Variants in CNTNAP2 observed in about 807,000 individuals in gnomAD.
CNTNAP2 encodes contactin associated protein 2, also known as contactin-associated protein-like 2.
Under a neutral mutation model 155.2 loss-of-function variants are expected in CNTNAP2, and 98 were observed. That is an observed-to-expected ratio of 0.63 (90% CI 0.54 to 0.75). The LOEUF is 0.75. Ranked by LOEUF, CNTNAP2 falls within the 30% of genes least tolerant of loss-of-function variation. CNTNAP2 has a pLI of 0.00. For missense variants in CNTNAP2, 1,727 were observed against 1,688.1 expected (o/e 1.02, Z -0.40); for synonymous variants, 651 against 631.2 (o/e 1.03, Z -0.47).
intron 8 of CNTNAP2, among the ~76,000 whole-genome samples, chr7:147,142,191 T>C (rs1290330238): frequency 1.3e-5 from 2 of 152,192 alleles, no homozygotes; most frequent in African/African-American, 4.8e-5. Context: ...GCCCATTCAG[T>C]ATGTTATTGG....
At chr7:147,849,198 T>C (rs976051855) in intron 13 of CNTNAP2, among the ~76,000 whole-genome samples, 27 of 152,232 alleles carry the variant, frequency 1.8e-4, no homozygotes, top group African/African-American at 6.5e-4. Flanking sequence ...AATATCATTA[T>C]GACAATCTGC....
intron 1 of CNTNAP2, among the ~76,000 whole-genome samples, chr7:146,767,625 C>A (rs1356367031): frequency 6.6e-6 from 1 of 151,934 alleles, no homozygotes; most frequent in Non-Finnish European, 1.5e-5. Context: ...ATGTATGAAC[C>A]ATAAAAATGG....
rs529485703 is a variant in CNTNAP2, at chr7:148,248,976, C to T, written c.3382-18057C>T. ...TTCCCTGATGACTGATGATGTTTAG[C>T]GACTTTTCAAGTGCTTATTGACCAC... is the stretch of plus-strand genomic sequence containing the variant. On this transcript the variant is annotated intron_variant, in intron 20 of 23. Coordinates refer to ENST00000361727, the MANE Select transcript of CNTNAP2 (RefSeq NM_014141.6). 3.3e-5 allele frequency among the ~76,000 whole-genome samples: 5 copies of T among 152,248 alleles called. No homozygotes were observed. In the South Asian group the frequency reaches 6.2e-4, roughly 19 times the overall value.
At chr7:146,207,014 A>T (rs1258101931) in intron 1 of CNTNAP2, among the ~76,000 whole-genome samples, 1 of 151,976 alleles carries the variant, frequency 6.6e-6, no homozygotes, top group African/African-American at 2.4e-5. Flanking sequence ...ATATCAAGGT[A>T]AGAGCTCTCA....
chr7:148,106,734 C>T (rs1274852369), intron 15 of CNTNAP2, among the ~76,000 whole-genome samples: 1 of 152,060 alleles, frequency 6.6e-6, no homozygotes, highest in African/African-American at 2.4e-5. Flanking sequence ...AAAAATACTA[C>T]ATAGTCTTAT....
rs185575195 is a variant in CNTNAP2 at position 148,283,974 on chromosome 7, C to A, written c.3475+16848C>A. Among the ~76,000 whole-genome samples the A allele has an allele frequency of 3.3e-5, 5 of 152,288 alleles. No homozygotes were observed. In the East Asian group the frequency reaches 9.6e-4, roughly 29 times the overall value. On this transcript the variant is annotated intron_variant, in intron 21 of 23. Coordinates refer to ENST00000361727, the MANE Select transcript of CNTNAP2 (RefSeq NM_014141.6). ...CCTAACCCTGTATTTACTTTAGGAACAATGTTTTAGTATTCACTAATTGAG... is the reference window on the plus strand; with the variant it reads ...CCTAACCCTGTATTTACTTTAGGAAAAATGTTTTAGTATTCACTAATTGAG...
intron 1 of CNTNAP2, among the ~76,000 whole-genome samples, chr7:146,474,359 A>G (rs939287386): frequency 2.7e-5 from 4 of 150,148 alleles, no homozygotes; most frequent in Admixed American, 6.7e-5. Flanking sequence ...AACAATTTTG[A>G]GAACATTTGC....
At chr7:147,960,577 A>G (rs375178570) in intron 14 of CNTNAP2, among the ~76,000 whole-genome samples, 13 of 152,342 alleles carry the variant, frequency 8.5e-5, no homozygotes, top group East Asian at 1.9e-4. Flanking sequence ...AGTGTCCTGT[A>G]CATTGTAATT....
At chr7:148,111,982 T>C (rs540820902) in intron 15 of CNTNAP2, among the ~76,000 whole-genome samples, 13 of 152,252 alleles carry the variant, frequency 8.5e-5, no homozygotes, top group African/African-American at 2.9e-4. Flanking sequence ...CAAAAGGAAG[T>C]CCCTGCACTA....
chr7:147,980,788 G>C (rs971116234), intron 15 of CNTNAP2, among the ~76,000 whole-genome samples: 1 of 136,262 alleles, frequency 7.3e-6, no homozygotes, highest in Non-Finnish European at 1.6e-5. Flanking sequence ...AAAATTAGCC[G>C]GGCGTGGTGG....
intron 15 of CNTNAP2, among the ~76,000 whole-genome samples, chr7:148,016,236 G>A (rs1447143604): frequency 6.6e-6 from 1 of 152,214 alleles, no homozygotes; most frequent in Non-Finnish European, 1.5e-5. Context: ...GGGGAAGTCT[G>A]TTTACACTGC....
At chr7:147,862,764 C>T (rs1799158282) in intron 13 of CNTNAP2, among the ~76,000 whole-genome samples, 1 of 152,094 alleles carries the variant, frequency 6.6e-6, no homozygotes, top group South Asian at 2.1e-4. Context: ...TGTCTTATTA[C>T]TGTCATTTGG....
At chr7:148,272,521 G>A (rs1329569519) in intron 21 of CNTNAP2, among the ~76,000 whole-genome samples, 1 of 152,176 alleles carries the variant, frequency 6.6e-6, no homozygotes, top group Admixed American at 6.5e-5. Flanking sequence ...GAAGCTGAGA[G>A]GGATGGTTTA....
At chr7:147,079,928 C>A (rs1204130477) in intron 4 of CNTNAP2, among the ~76,000 whole-genome samples, 2 of 150,428 alleles carry the variant, frequency 1.3e-5, no homozygotes, top group African/African-American at 4.9e-5. Flanking sequence ...TACTGAGACT[C>A]AGAAAAGTGC....
intron 21 of CNTNAP2, among the ~76,000 whole-genome samples, chr7:148,333,298 C>G (rs1180146254): frequency 6.6e-6 from 1 of 152,042 alleles, no homozygotes; most frequent in Non-Finnish European, 1.5e-5. Context: ...CATGGTGGCA[C>G]ACGCCTGTAA....
chr7:147,839,919 GC>G lies in CNTNAP2; in HGVS notation c.2099-63645del, dbSNP rs1263398774. Among the ~76,000 whole-genome samples, 1,180 of 141,822 alleles carry G rather than the reference GC, an allele frequency of 8.3e-3. 17 individuals are homozygous for G. Among genetic ancestry groups the G allele is most frequent in the African/African-American group, 0.029 (1,122 of 38,526 alleles). 93.0% of individuals were successfully genotyped at this position (141,822 alleles called of 152,430 possible). A position where few individuals can be genotyped will look rare whatever the true frequency, so the allele number is the denominator to read the frequency against. ...TGTGTATATATATGTGTGTGTGTGT[GC>G]TGTGTATATATATATGTATACACAC... is the stretch of plus-strand genomic sequence containing the variant. On this transcript the variant is annotated intron_variant, in intron 13 of 23. Coordinates refer to ENST00000361727, the MANE Select transcript of CNTNAP2 (RefSeq NM_014141.6).
intron 13 of CNTNAP2, among the ~76,000 whole-genome samples, chr7:147,645,088 A>C (rs568425404): frequency 1.3e-5 from 2 of 152,112 alleles, no homozygotes; most frequent in African/African-American, 2.4e-5. Flanking sequence ...ATAGTTTACT[A>C]TTAGATTTTG....
chr7:146,630,131 CT>C (rs954991762), intron 1 of CNTNAP2, among the ~76,000 whole-genome samples: 1 of 152,020 alleles, frequency 6.6e-6, no homozygotes, highest in Non-Finnish European at 1.5e-5. Flanking sequence ...TCTCCCTCCC[CT>C]AGCCCCTCAT....
intron 2 of CNTNAP2, among the ~76,000 whole-genome samples, chr7:146,802,707 T>TG (rs1245762955): frequency 6.6e-6 from 1 of 152,174 alleles, no homozygotes; most frequent in African/African-American, 2.4e-5. Context: ...CTGTATAGCC[T>TG]GGGGAACTGT....
Sources: gnomAD v4.1 joint callset for allele counts (sites outside exome capture counted in the v4.1 genomes callset) on GRCh38, gnomAD v4.1.1 for gene constraint, MANE v1.5 for transcripts, NCBI Gene and HGNC (gene_info 2026-07-23, HGNC 2026-07-21) for gene names.